AFDN: variants seen among roughly 807,000 people sequenced by gnomAD.
AFDN encodes afadin, adherens junction formation factor, also known as afadin.
AFDN carries 68 observed loss-of-function variants against 216.6 expected under a neutral mutation model. That is an observed-to-expected ratio of 0.31 (90% confidence interval 0.26 to 0.38). The LOEUF (loss-of-function observed/expected upper bound fraction) is 0.38. AFDN is among the 10% of genes least tolerant of loss of function. AFDN has a pLI of 1.00. For missense variants in AFDN, 2,136 were observed against 2,342.0 expected (o/e 0.91, Z 1.82); for synonymous variants, 868 against 853.7 (o/e 1.02, Z -0.29).
rs1235016261 is a variant in AFDN at position 167,911,457 on chromosome 6, A to G, written c.2005A>G (p.Lys669Glu). The G allele has an allele frequency of 2.5e-6, 4 of 1,614,146 alleles. No homozygotes were observed. The highest frequency in any genetic ancestry group is 3.4e-6 in the Non-Finnish European group (4 of 1,180,004). The change falls in exon 15 of 34, where the codon AAG becomes GAG. Residue 669 changes from lysine (K) to glutamate (E), a missense_variant. By Grantham distance (56) the Lys-to-Glu change is moderately conservative. Around this residue, in one of 8 missense-constraint regions of AFDN, gnomAD observed 817 missense variants for 965.7 expected, o/e 0.85. Coordinates refer to ENST00000683244, the MANE Select transcript of AFDN (RefSeq NM_001386888.1). ...ACATAAAGTCATTGCAGTCGTCAAC[A>G]AGATGGTGAGCATGATGGAGGGTGT... ...RTHKVIAVVN[K>E]MVSMMEGVIQ...
chr6:167,937,838 C>T (rs1428693983), intron 23 of AFDN, among the ~76,000 whole-genome samples: 2 of 152,290 alleles, frequency 1.3e-5, no homozygotes, highest in Non-Finnish European at 1.5e-5. Flanking sequence ...ATATCGGTTG[C>T]TTCTTAACTT....
chr6:167,910,376 A>G (rs980713353), intron 13 of AFDN, among the ~76,000 whole-genome samples: 1 of 152,230 alleles, frequency 6.6e-6, no homozygotes, highest in Non-Finnish European at 1.5e-5. Flanking sequence ...AATTAATTTG[A>G]TCTGAATACC....
chr6:167,913,600 A>G (rs1315778851), intron 16 of AFDN, 177 bp downstream of exon 16: 2 of 583,108 alleles, frequency 3.4e-6, no homozygotes, highest in Non-Finnish European at 3.0e-6. Flanking sequence ...TCGGCATTTC[A>G]TAATTTCTGC....
chr6:167,869,716 C>T (rs1358687036), intron 2 of AFDN, among the ~76,000 whole-genome samples: 4 of 152,194 alleles, frequency 2.6e-5, no homozygotes, highest in Admixed American at 1.3e-4. Flanking sequence ...GAGGCTCTCA[C>T]GGAGACCCTC....
chr6:167,944,152 C>T (rs994353551), intron 26 of AFDN, 93 bp downstream of exon 26: 5 of 951,874 alleles, frequency 5.3e-6, no homozygotes, highest in South Asian at 4.6e-5. Flanking sequence ...GTGTTACTAT[C>T]GCCCCAGTTT....
chr6:167,898,505 T>G (rs751016377), intron 11 of AFDN, 38 bp downstream of exon 11: 4 of 1,586,766 alleles, frequency 2.5e-6, no homozygotes, highest in African/African-American at 2.7e-5. Context: ...ATGTTTTGAT[T>G]ATACTTAAAG....
At chr6:167,845,393 TC>T (rs1781550823) in intron 1 of AFDN, among the ~76,000 whole-genome samples, 1 of 151,858 alleles carries the variant, frequency 6.6e-6, no homozygotes, top group Non-Finnish European at 1.5e-5. Flanking sequence ...CTTTTCTTTT[TC>T]TTTTCTTTTC....
intron 22 of AFDN, 67 bp downstream of exon 22, chr6:167,923,026 G>C (rs748062241): frequency 2.6e-6 from 3 of 1,142,838 alleles, no homozygotes; most frequent in Admixed American, 1.9e-5. Flanking sequence ...ATGCAGATTT[G>C]TTTCTTTCTT....
chr6:167,845,242 T>C lies in AFDN; in HGVS notation c.105+18005T>C, dbSNP rs552624727. 4.4e-4 allele frequency among the ~76,000 whole-genome samples: 67 copies of C among 152,324 alleles called. 1 individual carries two copies. In the South Asian group the frequency reaches 0.013, roughly 31 times the overall value. On this transcript the variant is annotated intron_variant, in intron 1 of 33. Coordinates refer to ENST00000683244, the MANE Select transcript of AFDN (RefSeq NM_001386888.1). ...CTGTTTTTCTGTCAAGAAATTTGTT[T>C]TATTCTCGTCAATTTTTATGGAAAA...
rs1314132770 is a variant in AFDN at position 167,913,801 on chromosome 6, G to A, written c.2059-367G>A. The stretch of plus-strand genomic sequence containing the variant: ...CCAAGCCAGTGACTACAAGTATCAG[G>A]GTGGCTGTGGGTAACCATGGATACA... On this transcript the variant is annotated intron_variant, in intron 16 of 33. Coordinates refer to ENST00000683244, the MANE Select transcript of AFDN (RefSeq NM_001386888.1). 3 of 387,928 alleles carry A rather than the reference G, an allele frequency of 7.7e-6. No individual in the cohort carries two copies. The East Asian group carries it at 1.4e-4, about 18-fold the overall frequency. 24.0% of individuals were successfully genotyped at this position (387,928 alleles called of 1,614,324 possible).
intron 6 of AFDN, among the ~76,000 whole-genome samples, chr6:167,886,790 C>T (rs1786876030): frequency 6.6e-6 from 1 of 152,050 alleles, no homozygotes; most frequent in South Asian, 2.1e-4. Flanking sequence ...GCTTTCTGAG[C>T]TGTGTCCCTC....
At chr6:167,953,941 TTTC>T (rs1298634517) in intron 30 of AFDN, among the ~76,000 whole-genome samples, 2 of 152,246 alleles carry the variant, frequency 1.3e-5, no homozygotes, top group East Asian at 3.8e-4. Flanking sequence ...AGTATCAGCA[TTTC>T]TTATTGTTAT....
intron 3 of AFDN, among the ~76,000 whole-genome samples, chr6:167,870,764 G>T (rs1194209871): frequency 1.3e-5 from 2 of 151,966 alleles, no homozygotes; most frequent in South Asian, 2.1e-4. Context: ...ATGATCAGGT[G>T]ATCAGCTGCA....
chr6:167,884,926 T>G (rs1786594180), intron 6 of AFDN, among the ~76,000 whole-genome samples: 1 of 152,172 alleles, frequency 6.6e-6, no homozygotes, highest in South Asian at 2.1e-4. Context: ...TCATTGAAAA[T>G]CTGTTATTTA....
At chr6:167,918,977 G>A (rs1583408541) in intron 21 of AFDN, 44 bp downstream of exon 21, 1 of 1,522,608 alleles carries the variant, frequency 6.6e-7, no homozygotes, top group Admixed American at 1.8e-5. Flanking sequence ...GCCCCAGGTT[G>A]AAGCGAGCAT....
chr6:167,838,735 T>A (rs1004672266), intron 1 of AFDN, among the ~76,000 whole-genome samples: 1 of 152,222 alleles, frequency 6.6e-6, no homozygotes, highest in Non-Finnish European at 1.5e-5. Context: ...TTGTTTTTCC[T>A]TCTTGTAAGA....
intron 1 of AFDN, among the ~76,000 whole-genome samples, chr6:167,855,241 A>G (rs187170545): frequency 5.3e-4 from 80 of 152,224 alleles, no homozygotes; most frequent in African/African-American, 1.9e-3. Context: ...AGTTGTGATA[A>G]ATTGTTTTTC....
Position 167,893,981 on chromosome 6 carries a change from C to T in AFDN, c.1222+75C>T. ...TCATGGGCAGAATAGTGTTGAATGA[C>T]CAAATATCTTATGTATCAGTTTTTT... On this transcript the variant is annotated intron_variant, in intron 9 of 33. Coordinates refer to ENST00000683244, the MANE Select transcript of AFDN (RefSeq NM_001386888.1). 1.3e-5 allele frequency: 14 copies of T among 1,097,378 alleles called. No individual in the cohort carries two copies. The South Asian group carries it at 1.6e-4, about 13-fold the overall frequency. 68.0% of individuals were successfully genotyped at this position (1,097,378 alleles called of 1,614,324 possible). A position where few individuals can be genotyped will look rare whatever the true frequency, so the allele number is the denominator to read the frequency against.
intron 30 of AFDN, among the ~76,000 whole-genome samples, chr6:167,957,624 A>T (rs553881237): frequency 6.6e-6 from 1 of 152,256 alleles, no homozygotes. Context: ...TTTATATCGC[A>T]TGGGCAAATC....
Sources: allele counts gnomAD v4.1 joint callset (sites outside exome capture counted in the v4.1 genomes callset), GRCh38; gene constraint gnomAD v4.1.1; regional missense constraint gnomAD v4.1.1; transcripts MANE v1.5; gene names NCBI Gene and HGNC (gene_info 2026-07-23, HGNC 2026-07-21).